AHCYL2: variants seen among roughly 807,000 people sequenced by gnomAD.
The protein encoded by AHCYL2 is S-adenosylhomocysteine hydrolase-like protein 2.
AHCYL2 carries 28 observed loss-of-function variants against 81.4 expected under a neutral mutation model. That is an observed-to-expected ratio of 0.34 (90% CI 0.25 to 0.47). AHCYL2 has a LOEUF of 0.47. Among genes scored for constraint, AHCYL2 ranks in the 20% least tolerant of loss-of-function variants. The pLI is 1.00. For missense variants in AHCYL2, 551 were observed against 785.1 expected (o/e 0.70, Z 3.56); for synonymous variants, 272 against 290.2 (o/e 0.94, Z 0.64).
rs568789306 is a variant in AHCYL2 at position 129,287,838 on chromosome 7, C to T, written c.363+62399C>T. ...GAATGTTTTTTATAATGGAAAATGT[C>T]GATCATGTACTCCATTACTCACCTT... On this transcript the variant is annotated intron_variant, in intron 1 of 16. Coordinates refer to ENST00000325006, the MANE Select transcript of AHCYL2 (RefSeq NM_015328.4). Among the ~76,000 whole-genome samples, 53 of 152,104 alleles carry T rather than the reference C, an allele frequency of 3.5e-4. 1 individual carries two copies. The highest frequency in any genetic ancestry group is 2.9e-3 in the Admixed American group (45 of 15,266).
chr7:129,272,772 A>C (rs1425602218), intron 1 of AHCYL2, among the ~76,000 whole-genome samples: 2 of 152,210 alleles, frequency 1.3e-5, no homozygotes, highest in African/African-American at 4.8e-5. Flanking sequence ...CAAATTGATA[A>C]ATGAACTAAA....
rs1383761577 is a variant in AHCYL2 at position 129,379,642 on chromosome 7, TC to T, written c.370del (p.Gln124SerfsTer88). On this transcript the variant is annotated frameshift_variant, in exon 2 of 17. Coordinates refer to ENST00000325006, the MANE Select transcript of AHCYL2 (RefSeq NM_015328.4). LOFTEE classifies it high-confidence loss of function. ...AACTAGGTTTCTTTTTCTTAGCAGATCCAGTTTGCTGACCAGAAGCAAGAAT... is the reference window on the plus strand; with the variant it reads ...AACTAGGTTTCTTTTTCTTAGCAGATCAGTTTGCTGACCAGAAGCAAGAAT... ...TEAPRTVKKQ[I>X]QFADQKQEFN... is the part of the protein sequence containing the mutation. The T allele has an allele frequency of 6.2e-7, 1 of 1,613,632 alleles. No homozygotes were observed.
rs192551383 is a variant in AHCYL2 at position 129,398,283 on chromosome 7, T to C, written c.823+959T>C. On this transcript the variant is annotated intron_variant, in intron 5 of 16. Transcript: ENST00000325006. ...GCCTCATCCTCCCAAAGTGCTGGGA[T>C]TACAGGTGTGAGCCACCATGCCCAG... is the stretch of plus-strand genomic sequence containing the variant. Among the ~76,000 whole-genome samples, 150 of 149,282 alleles carry C rather than the reference T, an allele frequency of 1.0e-3. No individual in the cohort carries two copies. The East Asian group carries it at 0.025, about 25-fold the overall frequency.
In AHCYL2 at chr7:129,410,095, A is replaced by G. The variant is rs1584897490; in HGVS notation, c.1366+549A>G. 23 of 1,462,556 alleles carry G rather than the reference A, an allele frequency of 1.6e-5. No individual in the cohort carries two copies. The East Asian group carries it at 5.0e-4, about 32-fold the overall frequency. The allele number at this position is 1,462,556 out of a possible 1,614,324, so 90.6% of individuals were successfully genotyped here. ...TTTTATTCCATTCCAGCGCTCTGGC[A>G]TGCAAGATAATCCATCTCTAAAATT... On this transcript the variant is annotated intron_variant, in intron 11 of 16. Coordinates refer to ENST00000325006, the MANE Select transcript of AHCYL2 (RefSeq NM_015328.4).
At chr7:129,297,728 A>G (rs981595479) in intron 1 of AHCYL2, among the ~76,000 whole-genome samples, 1 of 152,178 alleles carries the variant, frequency 6.6e-6, no homozygotes, top group African/African-American at 2.4e-5. Flanking sequence ...GCTGTAATCA[A>G]AATCATTACC....
At chr7:129,240,883 T>C (rs943014799) in intron 1 of AHCYL2, among the ~76,000 whole-genome samples, 2 of 152,184 alleles carry the variant, frequency 1.3e-5, no homozygotes, top group Non-Finnish European at 2.9e-5. Flanking sequence ...GAAAGAGATG[T>C]AATTTTCATT....
At chr7:129,366,813 GC>G (rs1305399222) in intron 1 of AHCYL2, among the ~76,000 whole-genome samples, 1 of 150,666 alleles carries the variant, frequency 6.6e-6, no homozygotes, top group Non-Finnish European at 1.5e-5. Flanking sequence ...AGTTTATTTT[GC>G]CAAGATTGAG....
At chr7:129,267,798 A>T (rs1372252452) in intron 1 of AHCYL2, among the ~76,000 whole-genome samples, 3 of 152,162 alleles carry the variant, frequency 2.0e-5, no homozygotes, top group African/African-American at 7.2e-5. Flanking sequence ...TGGAATTGAT[A>T]GAATTTGGTG....
chr7:129,322,175 T>C (rs1019740477), intron 1 of AHCYL2, among the ~76,000 whole-genome samples: 4 of 152,146 alleles, frequency 2.6e-5, no homozygotes, highest in African/African-American at 4.8e-5. Flanking sequence ...TTGTTTGCCC[T>C]GTTACCCAGG....
At chr7:129,305,724 G>A (rs1797416457) in intron 1 of AHCYL2, among the ~76,000 whole-genome samples, 1 of 152,126 alleles carries the variant, frequency 6.6e-6, no homozygotes, top group Non-Finnish European at 1.5e-5. Flanking sequence ...TTGATCATTA[G>A]CATCCTCTTC....
At chr7:129,233,548 C>T (rs756895147) in intron 1 of AHCYL2, among the ~76,000 whole-genome samples, 3 of 151,742 alleles carry the variant, frequency 2.0e-5, no homozygotes, top group East Asian at 1.9e-4. Flanking sequence ...AGTGCAGTGG[C>T]GCGATCTCCG....
chr7:129,406,422 T>G lies in AHCYL2; in HGVS notation c.1251T>G (p.Ile417Met). 2 of 1,614,032 alleles carry G rather than the reference T, an allele frequency of 1.2e-6. No individual in the cohort carries two copies. The highest frequency in any genetic ancestry group is 1.7e-6 in the Non-Finnish European group (2 of 1,180,004). Residue 417 changes from isoleucine to methionine, a missense_variant, in exon 10 of 17, where the codon ATT becomes ATG. Physicochemically the swap from Ile to Met is conservative, Grantham distance 10. Around this residue, in one of 2 missense-constraint regions of AHCYL2, gnomAD observed 316 missense variants for 543.1 expected, o/e 0.58. Coordinates refer to ENST00000325006, the MANE Select transcript of AHCYL2 (RefSeq NM_015328.4). The surrounding 1 kb of genome is among the most constrained non-coding windows in gnomAD (Gnocchi z 4.3). ...CCAALKAMGS[I>M]VYVTEIDPIC... Reference sequence around the variant, plus strand: ...CTGCCCTGAAAGCCATGGGCTCCATTGTGTATGTAACTGAAATTGACCCCA... The same window carrying G: ...CTGCCCTGAAAGCCATGGGCTCCATGGTGTATGTAACTGAAATTGACCCCA...
Position 129,426,357 on chromosome 7 carries a change from G to T in AHCYL2, c.1709-86G>T. 1.2e-6 allele frequency: 2 copies of T among 1,603,772 alleles called. No individual in the cohort carries two copies. Among genetic ancestry groups the T allele is most frequent in the South Asian group, 2.2e-5 (2 of 90,452 alleles). ...GCTCCAGGAATTAGAAGGTGTCTTT[G>T]AACTTTTTAAGGCCTAGCTTGGGGA... On this transcript the variant is annotated intron_variant, in intron 15 of 16. Coordinates refer to ENST00000325006, the MANE Select transcript of AHCYL2 (RefSeq NM_015328.4). This position sits in a 1 kb window ranked among gnomAD's most constrained non-coding sequence, Gnocchi z 4.3.
intron 12 of AHCYL2, among the ~76,000 whole-genome samples, chr7:129,421,182 G>A (rs1797101299): frequency 6.6e-6 from 1 of 151,650 alleles, no homozygotes. Context: ...AACCCAGGAG[G>A]CAGAGGTTGC....
chr7:129,262,793 G>T (rs1212615813), intron 1 of AHCYL2, among the ~76,000 whole-genome samples: 1 of 152,178 alleles, frequency 6.6e-6, no homozygotes, highest in Admixed American at 6.5e-5. Flanking sequence ...ACTTCAGTCA[G>T]TTGGGGGGCT....
chr7:129,399,644 TG>T (rs1795929185), intron 5 of AHCYL2, among the ~76,000 whole-genome samples: 1 of 151,808 alleles, frequency 6.6e-6, no homozygotes, highest in Non-Finnish European at 1.5e-5. Context: ...AAAATTAAAG[TG>T]TAATTGGGAA....
rs145913022 is a variant in AHCYL2 at position 129,349,908 on chromosome 7, A to G, written c.364-29730A>G. 5.2e-3 allele frequency among the ~76,000 whole-genome samples: 793 copies of G among 152,282 alleles called. 10 individuals carry two copies. Among genetic ancestry groups the G allele is most frequent in the African/African-American group, 0.018 (765 of 41,568 alleles). The stretch of plus-strand genomic sequence containing the variant: ...ATAAAAAATGCCTCTATCAATATTG[A>G]TCATTATCTGTTACTTGATTGAAGT... On this transcript the variant is annotated intron_variant, in intron 1 of 16. Transcript: ENST00000325006.
intron 1 of AHCYL2, among the ~76,000 whole-genome samples, chr7:129,249,458 G>A (rs911381415): frequency 1.3e-5 from 2 of 150,366 alleles, no homozygotes; most frequent in Non-Finnish European, 3.0e-5. Context: ...TTGCTCTGTC[G>A]CCCAGGCCGG....
At chr7:129,383,311 G>GTGTACCA (rs1021536524) in intron 2 of AHCYL2, among the ~76,000 whole-genome samples, 2 of 151,944 alleles carry the variant, frequency 1.3e-5, no homozygotes, top group Admixed American at 6.6e-5. Flanking sequence ...GACTACAGAT[G>GTGTACCA]TGTACCATCA....
Sources: gnomAD v4.1 joint callset for allele counts (sites outside exome capture counted in the v4.1 genomes callset) on GRCh38, gnomAD v4.1.1 for gene constraint, gnomAD v4.1.1 regional missense constraint, Gnocchi (gnomAD v3.1) non-coding constraint, MANE v1.5 for transcripts, NCBI Gene and HGNC (gene_info 2026-07-23, HGNC 2026-07-21) for gene names.